ASB7: variants seen among roughly 807,000 people sequenced by gnomAD.
The protein encoded by ASB7 is ankyrin repeat and SOCS box protein 7.
ASB7 carries 4 observed loss-of-function variants against 32.5 expected under a neutral mutation model. The ratio of observed to expected loss-of-function variants is 0.12; its 90% CI spans 0.06 to 0.28. ASB7 has a LOEUF of 0.28. Among genes scored for constraint, ASB7 ranks in the 10% least tolerant of loss-of-function variants. The pLI is 1.00. For synonymous variants in ASB7, 172 were observed against 155.6 expected, an observed-to-expected ratio of 1.11 and a Z score of -0.78; for missense variants, 181 against 407.1, an observed-to-expected ratio of 0.44 and a Z score of 4.78.
chr15:100,607,671 C>A (rs2039657998), intron 2 of ASB7, among the ~76,000 whole-genome samples: 1 of 152,118 alleles, frequency 6.6e-6, no homozygotes, highest in Non-Finnish European at 1.5e-5. Flanking sequence ...TTAAAAAATT[C>A]ATTTTAAGTA....
chr15:100,644,946 C>T (rs2039987570), intron 5 of ASB7, among the ~76,000 whole-genome samples: 1 of 152,210 alleles, frequency 6.6e-6, no homozygotes. Context: ...TGTTAAGAGA[C>T]CACATAGCAA....
At chr15:100,625,514 A>G (rs2039830440) in intron 4 of ASB7, among the ~76,000 whole-genome samples, 1 of 152,220 alleles carries the variant, frequency 6.6e-6, no homozygotes, top group Non-Finnish European at 1.5e-5. Flanking sequence ...AAAGATATGC[A>G]TGACGTATAT....
At chr15:100,648,229 G>C (rs2040009313) in intron 5 of ASB7, 94 bp from the exon 6 acceptor site, 1 of 1,325,740 alleles carries the variant, frequency 7.5e-7, no homozygotes, top group Non-Finnish European at 1.0e-6. Flanking sequence ...AGTCCATAGA[G>C]AGAACTTCCA....
intron 4 of ASB7, among the ~76,000 whole-genome samples, chr15:100,621,817 C>A (rs113954414): frequency 0.01 from 1,512 of 150,498 alleles, 27 homozygotes; most frequent in African/African-American, 0.035. Flanking sequence ...AATAAGGATT[C>A]TTTGAAAAGA....
intron 4 of ASB7, among the ~76,000 whole-genome samples, chr15:100,616,709 C>A (rs1200932941): frequency 6.6e-6 from 1 of 152,194 alleles, no homozygotes; most frequent in East Asian, 1.9e-4. Context: ...ACCTGATACC[C>A]TTTCCCTAGT....
intron 5 of ASB7, among the ~76,000 whole-genome samples, chr15:100,647,701 A>C (rs1177339988): frequency 6.6e-6 from 1 of 152,110 alleles, no homozygotes; most frequent in East Asian, 1.9e-4. Context: ...GCACTCCTCA[A>C]CTGTCAGCCT....
At chr15:100,605,752 C>G (rs1474520102) in intron 2 of ASB7, among the ~76,000 whole-genome samples, 1 of 152,130 alleles carries the variant, frequency 6.6e-6, no homozygotes, top group Admixed American at 6.5e-5. Context: ...GTTGGCAGAC[C>G]TAGGTTAATA....
At chr15:100,625,271 G>C (rs2039828154) in intron 4 of ASB7, among the ~76,000 whole-genome samples, 1 of 152,150 alleles carries the variant, frequency 6.6e-6, no homozygotes, top group Non-Finnish European at 1.5e-5. Context: ...GTCATGAATT[G>C]GAAAGAAAGA....
intron 5 of ASB7, among the ~76,000 whole-genome samples, chr15:100,638,993 C>T (rs1043338672): frequency 1.3e-5 from 2 of 152,100 alleles, no homozygotes; most frequent in African/African-American, 4.8e-5. Context: ...TCAGAGAATA[C>T]GCTAGTTTGG....
intron 5 of ASB7, among the ~76,000 whole-genome samples, chr15:100,637,823 G>A (rs541278752): frequency 5.3e-4 from 80 of 152,186 alleles, no homozygotes; most frequent in Non-Finnish European, 9.8e-4. Flanking sequence ...ACAGCATGTT[G>A]TAACAGATGA....
chr15:100,603,244 C>T lies in ASB7; in HGVS notation c.-243C>T. 1 of 368,918 alleles carries T rather than the reference C, an allele frequency of 2.7e-6. No homozygotes were observed. Among genetic ancestry groups the T allele is most frequent in the East Asian group, 4.0e-5 (1 of 25,088 alleles). The allele number at this position is 368,918 out of a possible 1,614,324, so 22.9% of individuals were successfully genotyped here. A position where few individuals can be genotyped will look rare whatever the true frequency, so the allele number is the denominator to read the frequency against. ...GAGCTGGCTGAAGAAGACGCGAAAGCAGGAAGAGGTCTGCCCACCTATCAG... is the reference window on the plus strand; with the variant it reads ...GAGCTGGCTGAAGAAGACGCGAAAGTAGGAAGAGGTCTGCCCACCTATCAG... On this transcript the variant is annotated 5_prime_UTR_variant, in exon 2 of 6. Coordinates refer to ENST00000332783, the MANE Select transcript of ASB7 (RefSeq NM_198243.3).
rs1047559309 is a variant in ASB7 at position 100,648,943 on chromosome 15, A to G, written c.*481A>G. On this transcript the variant is annotated 3_prime_UTR_variant, in exon 6 of 6. Transcript: ENST00000332783. ...TTGAAGTAACGCTGTCACCTCATTC[A>G]TTTTTAATGAGTACAAACTGGCCGT... 2.0e-5 allele frequency: 3 copies of G among 152,714 alleles called. No individual in the cohort carries two copies. Among genetic ancestry groups the G allele is most frequent in the African/African-American group, 4.8e-5 (2 of 41,434 alleles). The allele number at this position is 152,714 out of a possible 1,614,324, so 9.5% of individuals were successfully genotyped here. A position where few individuals can be genotyped will look rare whatever the true frequency, so the allele number is the denominator to read the frequency against.
chr15:100,621,403 G>A (rs1055396571), intron 4 of ASB7, among the ~76,000 whole-genome samples: 1 of 152,110 alleles, frequency 6.6e-6, no homozygotes, highest in Admixed American at 6.5e-5. Flanking sequence ...ATATAGAGAA[G>A]CAATTCAGTA....
chr15:100,646,686 T>C, intron 5 of ASB7: 1 of 196,288 alleles, frequency 5.1e-6, no homozygotes, highest in Non-Finnish European at 1.1e-5. Flanking sequence ...TGCCCACAGT[T>C]ATGGGTTAGT....
At chr15:100,608,853 C>G (rs1006222145) in intron 2 of ASB7, among the ~76,000 whole-genome samples, 5 of 152,266 alleles carry the variant, frequency 3.3e-5, no homozygotes, top group African/African-American at 4.8e-5. Flanking sequence ...GTTGAAAATT[C>G]TGGTGTGCAG....
At chr15:100,604,919 T>A (rs1270959575) in intron 2 of ASB7, among the ~76,000 whole-genome samples, 1 of 152,364 alleles carries the variant, frequency 6.6e-6, no homozygotes, top group East Asian at 1.9e-4. Flanking sequence ...AATGAAGTAC[T>A]GTGTTTTGTA....
Position 100,603,049 on chromosome 15 carries a change from A to G in ASB7, c.-273+3A>G, listed in dbSNP as rs1384185999. 5.0e-6 allele frequency: 2 copies of G among 399,410 alleles called. No individual in the cohort carries two copies. The highest frequency in any genetic ancestry group is 6.3e-4 in the Middle Eastern group (1 of 1,594). 24.7% of individuals were successfully genotyped at this position (399,410 alleles called of 1,614,324 possible). ...AGAAGCAGCAGCTGAGGAGACAGGT[A>G]AAGTCCTTTACTTCCCCCGAGGGGA... On this transcript the variant is annotated splice_donor_region_variant and intron_variant, in intron 1 of 5. Coordinates refer to ENST00000332783, the MANE Select transcript of ASB7 (RefSeq NM_198243.3).
At chr15:100,630,988 C>T (rs1408961806) in intron 5 of ASB7, among the ~76,000 whole-genome samples, 4 of 152,196 alleles carry the variant, frequency 2.6e-5, no homozygotes, top group Non-Finnish European at 1.5e-5. Flanking sequence ...AGGGCAAGGG[C>T]TCTACCTGAC....
intron 5 of ASB7, chr15:100,646,252 A>G (rs900782228): frequency 2.5e-6 from 1 of 399,028 alleles, no homozygotes; most frequent in African/African-American, 2.1e-5. Context: ...GTGTCCCACA[A>G]TTGTCAATGT....
Sources: allele counts gnomAD v4.1 joint callset (sites outside exome capture counted in the v4.1 genomes callset), GRCh38; gene constraint gnomAD v4.1.1; transcripts MANE v1.5; gene names NCBI Gene and HGNC (gene_info 2026-07-23, HGNC 2026-07-21).